The following TTLL6 variants were observed in gnomAD, a reference collection of about 807,000 sequenced individuals.
TTLL6 encodes tubulin polyglutamylase TTLL6.
TTLL6 carries 75 observed loss-of-function variants against 96.4 expected under a neutral mutation model. The ratio of observed to expected loss-of-function variants is 0.78; its 90% CI spans 0.65 to 0.94. The LOEUF (loss-of-function observed/expected upper bound fraction) is 0.94. Ranked by LOEUF, TTLL6 falls within the 40% of genes least tolerant of loss-of-function variation. The pLI, the probability that TTLL6 is intolerant of heterozygous loss-of-function variation, is 0.00. For missense variants in TTLL6, 1,030 were observed against 1,093.0 expected (o/e 0.94, Z 0.81); for synonymous variants, 411 against 419.4 (o/e 0.98, Z 0.24).
rs1035238528 is a variant in TTLL6, at chr17:48,782,246, C to T, written c.2040+2677G>A. ...TCAGCTCCCCGAGTAGCTGGGATTA[C>T]AAGCGCGCACCACCACGCCTGGCTA... is the stretch of plus-strand genomic sequence containing the variant. On this transcript the variant is annotated intron_variant, in intron 13 of 15. Transcript: ENST00000393382. Among the ~76,000 whole-genome samples the T allele has an allele frequency of 2.0e-5, 3 of 151,986 alleles. No homozygotes were observed. The South Asian group carries it at 6.2e-4, about 32-fold the overall frequency.
At chr17:48,792,835 G>A (rs1242148278) in intron 8 of TTLL6, among the ~76,000 whole-genome samples, 1 of 152,086 alleles carries the variant, frequency 6.6e-6, no homozygotes, top group Non-Finnish European at 1.5e-5. Flanking sequence ...TTTTCAAGTG[G>A]AGAAAATGTA....
chr17:48,791,251 A>G (rs2039215450), intron 9 of TTLL6, 127 bp downstream of exon 9: 2 of 762,998 alleles, frequency 2.6e-6, no homozygotes, highest in Admixed American at 4.9e-5. Flanking sequence ...CCCAGGCAGC[A>G]GGCACCATGG....
rs187300032 is a variant in TTLL6, at chr17:48,793,171, C to T, written c.999-1568G>A. Among the ~76,000 whole-genome samples, 298 of 152,134 alleles carry T rather than the reference C, an allele frequency of 2.0e-3. 1 individual carries two copies. Among genetic ancestry groups the T allele is most frequent in the African/African-American group, 6.9e-3 (286 of 41,484 alleles). ...GACAGGGAGGGCAGTTGACCTCAAA[C>T]GCCAACTTTGGGACAGATGAGACAG... On this transcript the variant is annotated intron_variant, in intron 8 of 15. Coordinates refer to ENST00000393382, the MANE Select transcript of TTLL6 (RefSeq NM_001130918.3).
chr17:48,762,821 G>A lies in TTLL6; in HGVS notation c.*153C>T. Reference sequence around the variant, plus strand: ...AGGCAGGGCTGTTGGCCCCATTGCTGCTACTAGGAACTAATGGAAGACCAG... The same window carrying A: ...AGGCAGGGCTGTTGGCCCCATTGCTACTACTAGGAACTAATGGAAGACCAG... On this transcript the variant is annotated 3_prime_UTR_variant, in exon 16 of 16. Coordinates refer to ENST00000393382, the MANE Select transcript of TTLL6 (RefSeq NM_001130918.3). The A allele has an allele frequency of 2.3e-6, 1 of 437,226 alleles. No homozygotes were observed. The highest frequency in any genetic ancestry group is 1.6e-5 in the South Asian group (1 of 60,954). The allele number at this position is 437,226 out of a possible 1,614,324, so 27.1% of individuals were successfully genotyped here. A position where few individuals can be genotyped will look rare whatever the true frequency, so the allele number is the denominator to read the frequency against.
intron 13 of TTLL6, among the ~76,000 whole-genome samples, chr17:48,772,943 G>A (rs992262195): frequency 2.4e-5 from 3 of 127,238 alleles, no homozygotes; most frequent in African/African-American, 9.3e-5. Context: ...GGTTGAGCCT[G>A]CAGTAAGCTG....
chr17:48,812,008 A>C (rs2039600723), intron 1 of TTLL6, among the ~76,000 whole-genome samples: 1 of 149,514 alleles, frequency 6.7e-6, no homozygotes. Context: ...GCCAGAAAGC[A>C]TTTTAATTCC....
intron 1 of TTLL6, among the ~76,000 whole-genome samples, chr17:48,811,113 G>A (rs529945904): frequency 6.9e-6 from 1 of 144,502 alleles, no homozygotes; most frequent in South Asian, 2.2e-4. Context: ...TCGTCACACA[G>A]GCTAGAGTGC....
intron 13 of TTLL6, among the ~76,000 whole-genome samples, chr17:48,780,595 A>C (rs1406472930): frequency 1.3e-5 from 2 of 152,174 alleles, no homozygotes; most frequent in Non-Finnish European, 2.9e-5. Flanking sequence ...TGTGCAAGAG[A>C]TCTCTAGAAC....
intron 15 of TTLL6, among the ~76,000 whole-genome samples, chr17:48,763,628 C>G (rs1048685180): frequency 1.3e-5 from 2 of 152,134 alleles, no homozygotes; most frequent in African/African-American, 2.4e-5. Context: ...GAAACCCCAT[C>G]TCTACTAAAG....
At chr17:48,804,432 T>C (rs2039474104) in intron 2 of TTLL6, 1 of 502,800 alleles carries the variant, frequency 2.0e-6, no homozygotes, top group Non-Finnish European at 3.9e-6. Context: ...AGTATGGTGC[T>C]ATCATACTGA....
intron 13 of TTLL6, among the ~76,000 whole-genome samples, chr17:48,773,653 T>C (rs969582660): frequency 1.3e-5 from 2 of 151,598 alleles, no homozygotes; most frequent in South Asian, 2.1e-4. Flanking sequence ...CCCAGGAAGA[T>C]TGAGGTTGCA....
chr17:48,786,014 C>A, intron 12 of TTLL6, 150 bp downstream of exon 12: 1 of 1,178,418 alleles, frequency 8.5e-7, no homozygotes, highest in Non-Finnish European at 1.2e-6. Context: ...GCCTTCAGGG[C>A]TCCCCGCACC....
intron 8 of TTLL6, 66 bp from the exon 9 acceptor site, chr17:48,791,669 C>G (rs1244564432): frequency 7.2e-7 from 1 of 1,384,754 alleles, no homozygotes; most frequent in Non-Finnish European, 9.9e-7. Context: ...CCATGGCATG[C>G]TGGAAACCAG....
chr17:48,793,522 G>A (rs940106340), intron 8 of TTLL6, among the ~76,000 whole-genome samples: 2 of 151,710 alleles, frequency 1.3e-5, no homozygotes, highest in African/African-American at 4.8e-5. Context: ...GAATCCGGGA[G>A]TCGAAACTTT....
intron 12 of TTLL6, 98 bp from the exon 13 acceptor site, chr17:48,785,299 G>A (rs1014498596): frequency 3.9e-6 from 6 of 1,547,678 alleles, no homozygotes; most frequent in Non-Finnish European, 4.4e-6. Flanking sequence ...AAGAGATGAG[G>A]AGAAGGAAAG....
intron 1 of TTLL6, 70 bp downstream of exon 1, chr17:48,816,900 C>T (rs1385048167): frequency 1.4e-5 from 17 of 1,229,532 alleles, no homozygotes; most frequent in Non-Finnish European, 1.8e-5. Context: ...CGTGTCTAGC[C>T]AGGTTTTCAG....
intron 13 of TTLL6, among the ~76,000 whole-genome samples, chr17:48,775,983 A>G (rs7217983): frequency 0.32 from 47,977 of 152,048 alleles, 7,914 homozygotes; most frequent in Admixed American, 0.41. Context: ...CGCTAAAATC[A>G]GAAACAAGAC....
At chr17:48,795,065 C>T (rs1031538216) in intron 8 of TTLL6, among the ~76,000 whole-genome samples, 34 of 152,162 alleles carry the variant, frequency 2.2e-4, no homozygotes, top group African/African-American at 7.5e-4. Flanking sequence ...CGGTGGCTCA[C>T]GCCTGTAATC....
At chr17:48,798,676 T>C (rs1388875725) in intron 6 of TTLL6, among the ~76,000 whole-genome samples, 2 of 151,444 alleles carry the variant, frequency 1.3e-5, no homozygotes, top group African/African-American at 2.4e-5. Flanking sequence ...GAGTTTGAGG[T>C]TGCAATGAGC....
Sources: gnomAD v4.1 joint callset for allele counts (sites outside exome capture counted in the v4.1 genomes callset) on GRCh38, gnomAD v4.1.1 for gene constraint, MANE v1.5 for transcripts, NCBI Gene and HGNC (gene_info 2026-07-23, HGNC 2026-07-21) for gene names.